Variants in PRKDC observed in about 807,000 individuals in gnomAD.
PRKDC encodes protein kinase, DNA-activated, catalytic subunit.
In PRKDC, 82 loss-of-function variants were observed where a neutral mutation model predicts 486.9. That is an observed-to-expected ratio of 0.17 (90% CI 0.14 to 0.20). The LOEUF (loss-of-function observed/expected upper bound fraction) is 0.20. PRKDC is among the 10% of genes least tolerant of loss of function. The pLI is 1.00. For missense variants in PRKDC, 4,504 were observed against 5,038.2 expected (o/e 0.89, Z 3.21); for synonymous variants, 1,895 against 1,837.0 (o/e 1.03, Z -0.81).
intron 7 of PRKDC, among the ~76,000 whole-genome samples, chr8:47,948,165 G>C (rs2090568637): frequency 2.0e-5 from 3 of 151,640 alleles, no homozygotes; most frequent in Admixed American, 6.6e-5. Context: ...TTTTTTTTGA[G>C]ATGGAGTCTT....
At chr8:47,916,362 C>T (rs1307434199) in intron 22 of PRKDC, among the ~76,000 whole-genome samples, 3 of 151,880 alleles carry the variant, frequency 2.0e-5, no homozygotes, top group Admixed American at 6.6e-5. Context: ...GCAGGAGAAT[C>T]GCTTGAACCC....
intron 49 of PRKDC, among the ~76,000 whole-genome samples, chr8:47,856,791 C>A (rs1563769615): frequency 6.6e-6 from 1 of 152,176 alleles, no homozygotes; most frequent in Non-Finnish European, 1.5e-5. Context: ...ATGCCAAAAT[C>A]CAGGGACTTC....
rs2089230051 is a variant in PRKDC at position 47,882,009 on chromosome 8, A to G, written c.4865T>C (p.Ile1622Thr). Residue 1622 changes from isoleucine (I) to threonine (T), a missense_variant, in exon 37 of 86, where the codon ATT becomes ACT. Transcript: ENST00000314191. ...KHQGLKLATT[I>T]LQHWKKCDSW... The stretch of plus-strand genomic sequence containing the variant: ...ATCACACTTCTTCCAGTGTTGCAGA[A>G]TTGTAGTCGCAAGTTTCAGTCCTTG... 1 of 1,613,932 alleles carries G rather than the reference A, an allele frequency of 6.2e-7. No individual in the cohort carries two copies. The highest frequency in any genetic ancestry group is 1.1e-5 in the South Asian group (1 of 91,090).
rs750034467 is a variant in PRKDC, at chr8:47,826,693, G to A, written c.8746C>T (p.Leu2916Phe). Reference sequence around the variant, plus strand: ...ACCCATCTGAGGACATCAGGAGGGAGGCGGGCCTTCCCACGGACTCGCTTG... The same window carrying A: ...ACCCATCTGAGGACATCAGGAGGGAAGCGGGCCTTCCCACGGACTCGCTTG... The part of the protein sequence containing the change: ...PAKRVRGKAR[L>F]PPDVLRWVEL... The change falls in exon 63 of 86, where the codon CTC becomes TTC. Residue 2916 changes from leucine to phenylalanine, a missense_variant. Leu to Phe is a conservative substitution (Grantham distance 22). Around this residue, in one of 6 missense-constraint regions of PRKDC, gnomAD observed 1,592 missense variants for 1,724.6 expected, o/e 0.92. Transcript: ENST00000314191. 2 of 1,613,102 alleles carry A rather than the reference G, an allele frequency of 1.2e-6. No homozygotes were observed. Among genetic ancestry groups the A allele is most frequent in the South Asian group, 2.2e-5 (2 of 91,032 alleles).
rs1301847059 is a variant in PRKDC, at chr8:47,822,057, T to C, written c.8923-265A>G. The stretch of plus-strand genomic sequence containing the variant: ...CACCACTGTGGGAGGCTAACGCACA[T>C]GGATCACCTGAGCCCAGGAGTTTGA... On this transcript the variant is annotated intron_variant, in intron 64 of 85. Coordinates refer to ENST00000314191, the MANE Select transcript of PRKDC (RefSeq NM_006904.7). 3.3e-5 allele frequency among the ~76,000 whole-genome samples: 5 copies of C among 152,272 alleles called. No individual in the cohort carries two copies. In the East Asian group the frequency reaches 9.7e-4, roughly 29 times the overall value.
At chr8:47,916,994 C>T (rs754864805) in intron 22 of PRKDC, among the ~76,000 whole-genome samples, 5 of 152,132 alleles carry the variant, frequency 3.3e-5, no homozygotes, top group Non-Finnish European at 5.9e-5. Flanking sequence ...CAGTGGCACA[C>T]GTCTGTAATC....
chr8:47,881,331 T>C, intron 38 of PRKDC, 85 bp downstream of exon 38: 1 of 849,600 alleles, frequency 1.2e-6, no homozygotes, highest in East Asian at 2.7e-5. Flanking sequence ...AAATTTTCCA[T>C]AATAAAAAAT....
At chr8:47,930,437 G>C (rs943955617) in intron 17 of PRKDC, among the ~76,000 whole-genome samples, 1 of 151,946 alleles carries the variant, frequency 6.6e-6, no homozygotes, top group African/African-American at 2.4e-5. Flanking sequence ...TATGCCCGGC[G>C]AATTTTTTGT....
intron 21 of PRKDC, among the ~76,000 whole-genome samples, chr8:47,919,253 C>T (rs1015065213): frequency 2.0e-5 from 3 of 152,200 alleles, no homozygotes; most frequent in Non-Finnish European, 4.4e-5. Context: ...TAGACTGAAG[C>T]TGTTCTTCAG....
chr8:47,872,254 G>C lies in PRKDC; in HGVS notation c.5363+5470C>G, dbSNP rs2154501055. On this transcript the variant is annotated intron_variant, in intron 40 of 85. Transcript: ENST00000314191. ...AGTTATATCATTTGCAAGCCTCACGGTAACCTCAAATCAAAAATAACATAC... is the reference window on the plus strand; with the variant it reads ...AGTTATATCATTTGCAAGCCTCACGCTAACCTCAAATCAAAAATAACATAC... Among the ~76,000 whole-genome samples, 4 of 151,970 alleles carry C rather than the reference G, an allele frequency of 2.6e-5. 1 individual carries two copies. The South Asian group carries it at 8.3e-4, about 32-fold the overall frequency.
chr8:47,839,968 C>A, intron 55 of PRKDC, 48 bp downstream of exon 55: 1 of 1,434,722 alleles, frequency 7.0e-7, no homozygotes, highest in African/African-American at 1.4e-5. Flanking sequence ...CAGAGCAAGA[C>A]CTTATCTCAA....
intron 42 of PRKDC, among the ~76,000 whole-genome samples, chr8:47,862,989 G>A (rs531242987): frequency 6.6e-6 from 1 of 152,152 alleles, no homozygotes; most frequent in African/African-American, 2.4e-5. Context: ...AAGTTTTAGA[G>A]AAAATACATT....
chr8:47,902,279 C>T (rs902412335), intron 27 of PRKDC, among the ~76,000 whole-genome samples: 3 of 152,212 alleles, frequency 2.0e-5, no homozygotes, highest in African/African-American at 4.8e-5. Flanking sequence ...AACTTGCTCA[C>T]CCTGGATCAG....
intron 40 of PRKDC, among the ~76,000 whole-genome samples, chr8:47,873,467 C>G (rs1018367000): frequency 2.0e-5 from 3 of 151,880 alleles, no homozygotes; most frequent in African/African-American, 7.3e-5. Context: ...TTACTTGCAC[C>G]TGGGAGGCAG....
chr8:47,865,732 C>T (rs1176576477), intron 40 of PRKDC, among the ~76,000 whole-genome samples: 1 of 151,924 alleles, frequency 6.6e-6, no homozygotes, highest in African/African-American at 2.4e-5. Context: ...ACAGGATTTG[C>T]AAAGTTTATT....
At chr8:47,779,646 G>C (rs533655114) in intron 80 of PRKDC, among the ~76,000 whole-genome samples, 20 of 149,038 alleles carry the variant, frequency 1.3e-4, no homozygotes, top group Non-Finnish European at 2.1e-4. Flanking sequence ...CTGGAGTGCA[G>C]TGGTGCGATC....
intron 21 of PRKDC, among the ~76,000 whole-genome samples, chr8:47,924,192 C>T (rs1229432247): frequency 1.3e-4 from 20 of 152,118 alleles, no homozygotes; most frequent in Admixed American, 1.2e-3. Flanking sequence ...CTATAAAATA[C>T]AGTATTCTAA....
intron 69 of PRKDC, among the ~76,000 whole-genome samples, chr8:47,804,873 T>C (rs1216368023): frequency 3.3e-5 from 5 of 152,194 alleles, no homozygotes; most frequent in Non-Finnish European, 7.3e-5. Context: ...GCGATTCTCC[T>C]GCCTCAGCCT....
At chr8:47,784,717 TA>T (rs1258040547) in intron 77 of PRKDC, among the ~76,000 whole-genome samples, 1 of 151,432 alleles carries the variant, frequency 6.6e-6, no homozygotes, top group Admixed American at 6.6e-5. Flanking sequence ...TTTTTTTTTT[TA>T]AAAACTTGTC....
Sources: gnomAD v4.1 joint callset for allele counts (sites outside exome capture counted in the v4.1 genomes callset) on GRCh38, gnomAD v4.1.1 for gene constraint, gnomAD v4.1.1 regional missense constraint, MANE v1.5 for transcripts, NCBI Gene and HGNC (gene_info 2026-07-23, HGNC 2026-07-21) for gene names.